The following ADAMTSL1 variants were observed in gnomAD, a reference collection of about 807,000 sequenced individuals.
ADAMTSL1 encodes ADAMTS-like protein 1.
Under a neutral mutation model 201.8 loss-of-function variants are expected in ADAMTSL1, and 126 were observed. That is an observed-to-expected ratio of 0.62 (90% CI 0.54 to 0.72). ADAMTSL1 has a LOEUF of 0.72. ADAMTSL1 is among the 30% of genes least tolerant of loss of function. ADAMTSL1 has a pLI of 0.00. For synonymous variants in ADAMTSL1, 1,121 were observed against 903.4 expected, an observed-to-expected ratio of 1.24 and a Z score of -4.32; for missense variants, 2,679 against 2,277.8, an observed-to-expected ratio of 1.18 and a Z score of -3.59.
intron 2 of ADAMTSL1, among the ~76,000 whole-genome samples, chr9:18,178,459 C>A (rs1272781156): frequency 6.6e-6 from 1 of 152,120 alleles, no homozygotes; most frequent in African/African-American, 2.4e-5. Flanking sequence ...GAGGGGCGCC[C>A]GCCATTGCCC....
rs150382570 is a variant in ADAMTSL1, at chr9:18,699,559, G to A, written c.1575-7188G>A. ...TGCCCAGGCTGGTCTCAAACTCTTG[G>A]CCTCAAGTGATCTTCCTGCCTTGGC... On this transcript the variant is annotated intron_variant, in intron 13 of 28. Transcript: ENST00000380548. 5.8e-3 allele frequency among the ~76,000 whole-genome samples: 875 copies of A among 152,036 alleles called. 6 individuals carry two copies. Among genetic ancestry groups the A allele is most frequent in the Non-Finnish European group, 8.6e-3 (583 of 67,978 alleles).
chr9:18,064,954 ATTTTTTTTTTTTTTT>A (rs563021690), intron 1 of ADAMTSL1, among the ~76,000 whole-genome samples: 9 of 69,018 alleles, frequency 1.3e-4, no homozygotes, highest in Non-Finnish European at 1.8e-4. Context: ...TTTGCTAAAG[ATTTTTTTTTTTTTTT>A]TTTTTTTTTT....
intron 1 of ADAMTSL1, among the ~76,000 whole-genome samples, chr9:17,929,010 T>A (rs1008762590): frequency 1.3e-5 from 2 of 152,092 alleles, no homozygotes; most frequent in African/African-American, 4.8e-5. Context: ...TGGGTGTGTG[T>A]GTGTGTATGC....
intron 2 of ADAMTSL1, among the ~76,000 whole-genome samples, chr9:18,440,508 C>T (rs1819949440): frequency 2.0e-5 from 3 of 151,512 alleles, no homozygotes; most frequent in Admixed American, 2.0e-4. Context: ...ATTGGCCTAA[C>T]AGTCCTACTT....
At chr9:18,017,924 A>G (rs1028138889) in intron 1 of ADAMTSL1, among the ~76,000 whole-genome samples, 4 of 152,090 alleles carry the variant, frequency 2.6e-5, no homozygotes, top group African/African-American at 9.6e-5. Context: ...ATGTAATGTC[A>G]GGCTTTATTT....
At chr9:18,220,990 G>C (rs1188404736) in intron 2 of ADAMTSL1, among the ~76,000 whole-genome samples, 1 of 151,920 alleles carries the variant, frequency 6.6e-6, no homozygotes, top group Non-Finnish European at 1.5e-5. Flanking sequence ...GCCCAGGCTG[G>C]TCTCAAACTC....
intron 2 of ADAMTSL1, among the ~76,000 whole-genome samples, chr9:18,409,383 CAAAAAAAAAAAAA>C (rs781106126): frequency 1.3e-5 from 1 of 77,234 alleles, no homozygotes; most frequent in Admixed American, 1.5e-4. Flanking sequence ...AACTCCGTCT[CAAAAAAAAAAAAA>C]AAAAAAAAGA....
chr9:18,891,537 G>T (rs934482), intron 25 of ADAMTSL1, among the ~76,000 whole-genome samples: 108,731 of 152,258 alleles, frequency 0.71, 39,751 homozygotes, highest in African/African-American at 0.89. Context: ...GTTTACAGGT[G>T]GGCTTTGTGA....
At chr9:18,294,244 A>G (rs1273829256) in intron 2 of ADAMTSL1, among the ~76,000 whole-genome samples, 2 of 152,224 alleles carry the variant, frequency 1.3e-5, no homozygotes, top group African/African-American at 4.8e-5. Context: ...GTGGAGTGGG[A>G]TGCTTTAGCA....
At chr9:18,213,772 C>G (rs1441596587) in intron 2 of ADAMTSL1, among the ~76,000 whole-genome samples, 1 of 152,264 alleles carries the variant, frequency 6.6e-6, no homozygotes, top group East Asian at 1.9e-4. Flanking sequence ...CAGAGTCTCG[C>G]TCTGTCGCCC....
At chr9:18,303,699 T>C (rs1425322777) in intron 2 of ADAMTSL1, among the ~76,000 whole-genome samples, 2 of 152,158 alleles carry the variant, frequency 1.3e-5, no homozygotes, top group African/African-American at 4.8e-5. Context: ...TATGAAATAG[T>C]GGACCTTGCT....
intron 2 of ADAMTSL1, among the ~76,000 whole-genome samples, chr9:18,258,959 A>G (rs1563840588): frequency 1.3e-5 from 2 of 152,198 alleles, no homozygotes; most frequent in Non-Finnish European, 2.9e-5. Flanking sequence ...AGTCCTTACC[A>G]GAATTGCCAC....
chr9:18,714,072 C>A (rs1414662721), intron 14 of ADAMTSL1, among the ~76,000 whole-genome samples: 2 of 152,034 alleles, frequency 1.3e-5, no homozygotes, highest in East Asian at 3.8e-4. Context: ...ACACAACATA[C>A]CAGAATCTCT....
chr9:18,657,681 T>C lies in ADAMTSL1; in HGVS notation c.877T>C (p.Phe293Leu). Residue 293 changes from phenylalanine to leucine, a missense_variant, in exon 8 of 29, where the codon TTC becomes CTC. Phe to Leu is a conservative substitution (Grantham distance 22). Coordinates refer to ENST00000380548, the MANE Select transcript of ADAMTSL1 (RefSeq NM_001040272.6). ...GSADSTVQFI[F>L]YQPIIHRWRE... ...CGCTGACAGTACAGTCCAGTTCATC[T>C]TCTATCAACCCATCATCCACCGATG... The C allele has an allele frequency of 6.2e-7, 1 of 1,614,224 alleles. No homozygotes were observed. The highest frequency in any genetic ancestry group is 8.5e-7 in the Non-Finnish European group (1 of 1,180,036).
chr9:18,508,074 G>A (rs1817791964), intron 2 of ADAMTSL1, among the ~76,000 whole-genome samples: 1 of 151,980 alleles, frequency 6.6e-6, no homozygotes, highest in Admixed American at 6.6e-5. Context: ...AATTGCAGCT[G>A]CTAGGGAGGC....
At chr9:18,390,614 T>C (rs1020519176) in intron 2 of ADAMTSL1, among the ~76,000 whole-genome samples, 1 of 152,202 alleles carries the variant, frequency 6.6e-6, no homozygotes, top group African/African-American at 2.4e-5. Flanking sequence ...TCATCAGCTG[T>C]GCTGGGTCTG....
intron 21 of ADAMTSL1, among the ~76,000 whole-genome samples, chr9:18,822,674 A>C (rs766173449): frequency 6.6e-6 from 1 of 152,184 alleles, no homozygotes; most frequent in African/African-American, 2.4e-5. Flanking sequence ...CTTAATCTCT[A>C]TGAGACCCTT....
intron 2 of ADAMTSL1, among the ~76,000 whole-genome samples, chr9:18,172,862 C>T (rs1827966347): frequency 6.6e-6 from 1 of 151,998 alleles, no homozygotes; most frequent in South Asian, 2.1e-4. Context: ...AACATGGCAT[C>T]ATTTTTTGCC....
intron 7 of ADAMTSL1, among the ~76,000 whole-genome samples, chr9:18,646,218 G>C (rs1417677637): frequency 8.5e-5 from 13 of 152,092 alleles, no homozygotes; most frequent in East Asian, 1.9e-4. Flanking sequence ...AAGAATGCTT[G>C]TGATTTTTGT....
Sources: gnomAD v4.1 joint callset for allele counts (sites outside exome capture counted in the v4.1 genomes callset) on GRCh38, gnomAD v4.1.1 for gene constraint, MANE v1.5 for transcripts, NCBI Gene and HGNC (gene_info 2026-07-23, HGNC 2026-07-21) for gene names.